ZBTB16: variants seen among roughly 807,000 people sequenced by gnomAD.
ZBTB16 encodes the protein zinc finger and BTB domain containing 16, also known as zinc finger and BTB domain-containing protein 16.
Under a neutral mutation model 56.8 loss-of-function variants are expected in ZBTB16, and 8 were observed. The ratio of observed to expected loss-of-function variants is 0.14; its 90% confidence interval spans 0.08 to 0.25. The LOEUF (loss-of-function observed/expected upper bound fraction) is 0.25, where lower values mean the gene tolerates loss of function less well. Among genes scored for constraint, ZBTB16 ranks in the 10% least tolerant of loss-of-function variants. The probability of loss-of-function intolerance (pLI) is 1.00; values close to 1 mark genes in which losing one functional copy is unlikely to be tolerated. For synonymous variants in ZBTB16, 363 were observed against 368.5 expected, an observed-to-expected ratio of 0.98 and a Z score of 0.17; for missense variants, 625 against 903.0, an observed-to-expected ratio of 0.69 and a Z score of 3.95.
chr11:114,177,254 A>G (rs890856047), intron 3 of ZBTB16, among the ~76,000 whole-genome samples: 6 of 152,064 alleles, frequency 3.9e-5, no homozygotes, highest in African/African-American at 1.4e-4. Flanking sequence ...TACCGGTAGA[A>G]CCTTAAAGCC....
At chr11:114,157,789 G>T (rs914169228) in intron 3 of ZBTB16, among the ~76,000 whole-genome samples, 1 of 152,232 alleles carries the variant, frequency 6.6e-6, no homozygotes, top group East Asian at 1.9e-4. Context: ...CCAGGCGCAC[G>T]GATTTGTCCA....
intron 2 of ZBTB16, among the ~76,000 whole-genome samples, chr11:114,149,434 C>T (rs1467297766): frequency 6.6e-6 from 1 of 152,162 alleles, no homozygotes; most frequent in Non-Finnish European, 1.5e-5. Flanking sequence ...TGGTCTGGAT[C>T]CCCAGCAGAG....
chr11:114,191,549 G>A (rs1351450639), intron 4 of ZBTB16, among the ~76,000 whole-genome samples: 1 of 152,134 alleles, frequency 6.6e-6, no homozygotes, highest in Non-Finnish European at 1.5e-5. Context: ...TGGAGAGCTG[G>A]AACTTGACCC....
Position 114,254,337 on chromosome 11 carries a change from C to G in ZBTB16, c.*3782C>G, listed in dbSNP as rs1297045026. Among the ~76,000 whole-genome samples the G allele has an allele frequency of 1.3e-5, 2 of 151,862 alleles. No individual in the cohort carries two copies. The highest frequency in any genetic ancestry group is 2.9e-5 in the Non-Finnish European group (2 of 67,990). ...GGGGACCCAGTGATTCAGTACAATC[C>G]AAGGGATGCAACGCGGGCTTGTTTA... On this transcript the variant is annotated 3_prime_UTR_variant, in exon 7 of 7. Transcript: ENST00000335953.
intron 3 of ZBTB16, among the ~76,000 whole-genome samples, chr11:114,180,098 C>T (rs1386176185): frequency 6.6e-6 from 1 of 152,192 alleles, no homozygotes; most frequent in East Asian, 1.9e-4. Flanking sequence ...GCATGTGCGT[C>T]CTGTCTTTCC....
rs1210482289 is a variant in ZBTB16 at position 114,143,304 on chromosome 11, G to A, written c.1269-13033G>A. On this transcript the variant is annotated intron_variant, in intron 2 of 6. Transcript: ENST00000335953. The surrounding 1 kb of genome is among the most constrained non-coding windows in gnomAD (Gnocchi z 6.4). ...GGCTTGAGAATACAAGATGAATGAG[G>A]CAAAGCCCTGTCTTCATGTAGCTGC... 2.6e-5 allele frequency among the ~76,000 whole-genome samples: 4 copies of A among 152,124 alleles called. No individual in the cohort carries two copies. The highest frequency in any genetic ancestry group is 5.9e-5 in the Non-Finnish European group (4 of 68,030).
At chr11:114,202,879 C>G (rs1943767214) in intron 4 of ZBTB16, among the ~76,000 whole-genome samples, 1 of 152,136 alleles carries the variant, frequency 6.6e-6, no homozygotes, top group Non-Finnish European at 1.5e-5. Context: ...TTTAACTGTC[C>G]TGTGCTCTTT....
At chr11:114,103,719 A>G (rs1940694507) in intron 2 of ZBTB16, among the ~76,000 whole-genome samples, 1 of 151,996 alleles carries the variant, frequency 6.6e-6, no homozygotes, top group Non-Finnish European at 1.5e-5. Flanking sequence ...CGGGGTGGAG[A>G]TAGAGGTAAC....
intron 2 of ZBTB16, among the ~76,000 whole-genome samples, chr11:114,085,910 C>A (rs551008767): frequency 6.6e-6 from 1 of 152,046 alleles, no homozygotes; most frequent in African/African-American, 2.4e-5. Flanking sequence ...TGGATCATTG[C>A]GATATTATTG....
At chr11:114,212,263 ACTTAC>A (rs1268409916) in intron 4 of ZBTB16, among the ~76,000 whole-genome samples, 1 of 152,086 alleles carries the variant, frequency 6.6e-6, no homozygotes, top group Non-Finnish European at 1.5e-5. Context: ...AGAAGGTTTA[ACTTAC>A]CTTAACAGAT....
intron 2 of ZBTB16, among the ~76,000 whole-genome samples, chr11:114,080,307 C>T: frequency 6.6e-6 from 1 of 152,104 alleles, no homozygotes; most frequent in East Asian, 1.9e-4. Flanking sequence ...TTTGCTTTTC[C>T]TCTCCATTGA....
chr11:114,068,245 G>C (rs572068348), intron 2 of ZBTB16, among the ~76,000 whole-genome samples: 12 of 152,174 alleles, frequency 7.9e-5, no homozygotes, highest in Admixed American at 3.9e-4. Context: ...TCTTGGGGTG[G>C]GGGGGCAGAA....
chr11:114,076,717 T>C (rs1939581226), intron 2 of ZBTB16, among the ~76,000 whole-genome samples: 2 of 139,552 alleles, frequency 1.4e-5, no homozygotes, highest in African/African-American at 5.4e-5. Flanking sequence ...CTAAAAACAT[T>C]TTTCTTTCCT....
intron 2 of ZBTB16, among the ~76,000 whole-genome samples, chr11:114,116,399 T>C (rs1306773487): frequency 6.6e-6 from 1 of 152,238 alleles, no homozygotes; most frequent in Non-Finnish European, 1.5e-5. Context: ...ATTTAGGCGT[T>C]GCTGAACTTC....
chr11:114,089,762 A>G (rs17116328), intron 2 of ZBTB16, among the ~76,000 whole-genome samples: 8,300 of 152,276 alleles, frequency 0.055, 397 homozygotes, highest in African/African-American at 0.13. Flanking sequence ...TCTCTGCAGA[A>G]TTTGTGAACC....
intron 3 of ZBTB16, among the ~76,000 whole-genome samples, chr11:114,157,660 C>A (rs542142196): frequency 1.2e-4 from 19 of 152,344 alleles, no homozygotes; most frequent in African/African-American, 4.1e-4. Flanking sequence ...TTCAGCTCCC[C>A]ACTGCCTTGC....
chr11:114,091,040 C>T (rs17116334), intron 2 of ZBTB16, among the ~76,000 whole-genome samples: 26,937 of 152,112 alleles, frequency 0.18, 2,792 homozygotes, highest in African/African-American at 0.28. Flanking sequence ...CACCTGGTGA[C>T]GCAGACTAAG....
intron 2 of ZBTB16, among the ~76,000 whole-genome samples, chr11:114,085,005 G>T (rs1321972737): frequency 6.6e-6 from 1 of 152,208 alleles, no homozygotes; most frequent in African/African-American, 2.4e-5. Flanking sequence ...TGATGATGCT[G>T]TTCTGAAGCT....
At chr11:114,173,788 C>T (rs1381886022) in intron 3 of ZBTB16, among the ~76,000 whole-genome samples, 1 of 152,146 alleles carries the variant, frequency 6.6e-6, no homozygotes, top group Non-Finnish European at 1.5e-5. Flanking sequence ...TGAAGGTTAA[C>T]CAGGAAACCT....
Sources: gnomAD v4.1 joint callset for allele counts (sites outside exome capture counted in the v4.1 genomes callset) on GRCh38, gnomAD v4.1.1 for gene constraint, Gnocchi (gnomAD v3.1) non-coding constraint, MANE v1.5 for transcripts, NCBI Gene and HGNC (gene_info 2026-07-23, HGNC 2026-07-21) for gene names.